Variants in ACYP2 observed in about 807,000 individuals in gnomAD.
ACYP2 encodes the protein acylphosphatase 2, also known as acylphosphatase-2.
Under a neutral mutation model 11.2 loss-of-function variants are expected in ACYP2, and 12 were observed. That is an observed-to-expected ratio of 1.08 (90% CI 0.69 to 1.74). ACYP2 has a LOEUF of 1.74. Ranked by LOEUF, ACYP2 falls within the 40% of genes most tolerant of loss-of-function variation. ACYP2 has a pLI of 0.00. For missense variants in ACYP2, 134 were observed against 101.9 expected (o/e 1.31, Z -1.35); for synonymous variants, 43 against 32.2 (o/e 1.33, Z -1.13).
intron 6 of ACYP2, among the ~76,000 whole-genome samples, chr2:54,144,637 G>GCA (rs1023879078): frequency 2.0e-4 from 30 of 148,036 alleles, no homozygotes; most frequent in African/African-American, 7.5e-4. Context: ...TCATGCCACT[G>GCA]CACTCTAGCC....
chr2:54,268,785 G>T (rs1688150250), intron 6 of ACYP2, among the ~76,000 whole-genome samples: 1 of 152,132 alleles, frequency 6.6e-6, no homozygotes, highest in Non-Finnish European at 1.5e-5. Context: ...CTCCAGCCTG[G>T]AGCAAGACCC....
chr2:54,274,091 G>C (rs1370749759), intron 6 of ACYP2, among the ~76,000 whole-genome samples: 1 of 152,146 alleles, frequency 6.6e-6, no homozygotes. Context: ...AAAAGAAAGA[G>C]GTTTATAATG....
chr2:54,042,874 C>T (rs1303952290), intron 2 of ACYP2, among the ~76,000 whole-genome samples: 1 of 152,224 alleles, frequency 6.6e-6, no homozygotes, highest in African/African-American at 2.4e-5. Flanking sequence ...GGAAGACCAA[C>T]CAATCTTTCT....
At chr2:54,173,467 A>G (rs556282370) in intron 6 of ACYP2, among the ~76,000 whole-genome samples, 1 of 152,274 alleles carries the variant, frequency 6.6e-6, no homozygotes, top group East Asian at 1.9e-4. Flanking sequence ...GGTAGATTGC[A>G]AAAATTTTCT....
At chr2:54,303,849 T>C (rs923144494) in intron 6 of ACYP2, among the ~76,000 whole-genome samples, 2 of 152,242 alleles carry the variant, frequency 1.3e-5, no homozygotes, top group Non-Finnish European at 2.9e-5. Flanking sequence ...TAAAACAGCC[T>C]TGTTTTATAA....
chr2:54,219,245 G>C (rs1055110195), intron 6 of ACYP2, among the ~76,000 whole-genome samples: 1 of 152,194 alleles, frequency 6.6e-6, no homozygotes. Flanking sequence ...AGACCCTTAA[G>C]AGATAGGTCA....
chr2:54,200,695 C>G (rs1324212334), intron 6 of ACYP2, among the ~76,000 whole-genome samples: 1 of 152,180 alleles, frequency 6.6e-6, no homozygotes, highest in Admixed American at 6.5e-5. Flanking sequence ...TTGGCTATTA[C>G]AAATAATGCT....
intron 2 of ACYP2, among the ~76,000 whole-genome samples, chr2:53,993,913 C>T (rs537261938): frequency 2.7e-5 from 4 of 150,618 alleles, no homozygotes; most frequent in South Asian, 2.1e-4. Flanking sequence ...GGGCCAGGCA[C>T]GGTGGTTCAC....
At position 54,050,882 on chromosome 2, in the gene ACYP2, C is replaced by G. The variant is rs1217974577; in HGVS notation, c.63-76C>G. ...CTTGAACTCCTGGGCTCAAGCAATCCTCCTGCCTCAGCCTTCTGAGTAGCT... is the reference window on the plus strand; with the variant it reads ...CTTGAACTCCTGGGCTCAAGCAATCGTCCTGCCTCAGCCTTCTGAGTAGCT... On this transcript the variant is annotated intron_variant, in intron 2 of 6. Transcript: ENST00000607452. 8 of 385,854 alleles carry G rather than the reference C, an allele frequency of 2.1e-5. No individual in the cohort carries two copies. In the East Asian group the frequency reaches 2.9e-4, roughly 14 times the overall value. The allele number at this position is 385,854 out of a possible 1,614,324, so 23.9% of individuals were successfully genotyped here.
intron 2 of ACYP2, among the ~76,000 whole-genome samples, chr2:54,006,271 C>G (rs1402896668): frequency 6.6e-6 from 1 of 152,094 alleles, no homozygotes. Flanking sequence ...CCTCGGCCCC[C>G]CAAGTAGCTG....
chr2:54,189,539 G>A (rs940518238), intron 6 of ACYP2, among the ~76,000 whole-genome samples: 2 of 151,994 alleles, frequency 1.3e-5, no homozygotes, highest in African/African-American at 4.8e-5. Context: ...GTATTCTATA[G>A]ATCCTATATT....
chr2:54,030,395 C>T (rs983314327), intron 2 of ACYP2, among the ~76,000 whole-genome samples: 5 of 152,204 alleles, frequency 3.3e-5, no homozygotes, highest in Non-Finnish European at 7.3e-5. Flanking sequence ...TGCAAGGCTC[C>T]TACTGACCAT....
intron 4 of ACYP2, among the ~76,000 whole-genome samples, chr2:54,095,594 G>A (rs1228357278): frequency 6.7e-6 from 1 of 148,212 alleles, no homozygotes; most frequent in African/African-American, 2.5e-5. Context: ...CGGACGGGGC[G>A]GCTGGCCGAG....
rs373610211 is a variant in ACYP2 at position 54,130,979 on chromosome 2, G to A, written c.278-4474G>A. ...AACTCTAATTTATATCTAGGCTTAT[G>A]GATTTTACAGCTCCAAATTGTCCAT... On this transcript the variant is annotated intron_variant, in intron 4 of 6. Coordinates refer to ENST00000607452, the MANE Select transcript of ACYP2 (RefSeq NM_001320586.2). Among the ~76,000 whole-genome samples, 34 of 152,192 alleles carry A rather than the reference G, an allele frequency of 2.2e-4. 2 individuals are homozygous for A. In the East Asian group the frequency reaches 6.4e-3, roughly 29 times the overall value.
At chr2:54,043,073 G>A (rs1475103917) in intron 2 of ACYP2, among the ~76,000 whole-genome samples, 1 of 119,146 alleles carries the variant, frequency 8.4e-6, no homozygotes, top group Non-Finnish European at 1.7e-5. Flanking sequence ...TGTGTGTGGG[G>A]TGTGTGTGTG....
At chr2:53,974,906 AAGG>A (rs138281569) in intron 2 of ACYP2, among the ~76,000 whole-genome samples, 5,680 of 152,226 alleles carry the variant, frequency 0.037, 141 homozygotes, top group Non-Finnish European at 0.058. Context: ...GCTAATAGGG[AAGG>A]AGAAGAGAGA....
At chr2:54,254,898 G>T (rs780282160) in intron 6 of ACYP2, 1 of 1,598,194 alleles carries the variant, frequency 6.3e-7, no homozygotes, top group South Asian at 1.1e-5. Context: ...CCTTCTGCAG[G>T]AGTAATTCCA....
chr2:54,123,475 A>G (rs147200539), intron 4 of ACYP2: 151 of 398,542 alleles, frequency 3.8e-4, no homozygotes, highest in African/African-American at 3.0e-3. Context: ...GGCATTAACA[A>G]AATTGAGATA....
chr2:54,004,404 CTTTTTTTTT>C (rs1168703943), intron 2 of ACYP2, among the ~76,000 whole-genome samples: 4,735 of 92,292 alleles, frequency 0.051, 136 homozygotes, highest in Middle Eastern at 0.068. Flanking sequence ...GTAGTTTAGC[CTTTTTTTTT>C]TTTTTTTTTT....
Sources: gnomAD v4.1 joint callset for allele counts (sites outside exome capture counted in the v4.1 genomes callset) on GRCh38, gnomAD v4.1.1 for gene constraint, MANE v1.5 for transcripts, NCBI Gene and HGNC (gene_info 2026-07-23, HGNC 2026-07-21) for gene names.